Variants in ZC3H11C observed in about 807,000 individuals in gnomAD.
ZC3H11C encodes zinc finger CCCH-type containing 11C, also known as zinc finger CCCH domain-containing protein 11C.
chr6:65,305,255 G>A, the ZC3H11C span, among the ~76,000 whole-genome samples: 1 of 152,176 alleles, frequency 6.6e-6, no homozygotes, highest in Admixed American at 6.5e-5. Context: ...AAGGGTGCAA[G>A]CAAACTTAGT....
the ZC3H11C span, among the ~76,000 whole-genome samples, chr6:65,301,886 T>C: frequency 1.3e-4 from 20 of 152,366 alleles, no homozygotes; most frequent in African/African-American, 3.1e-4. Context: ...GAACTAGAGA[T>C]AGTGATGCTT....
At chr6:65,302,630 T>C in the ZC3H11C span, 1 of 1,233,178 alleles carries the variant, frequency 8.1e-7, no homozygotes, top group Non-Finnish European at 1.2e-6. Context: ...TGAAACTGTT[T>C]GCACATTATG....
the ZC3H11C span, among the ~76,000 whole-genome samples, chr6:65,306,219 C>A: frequency 6.6e-6 from 1 of 152,128 alleles, no homozygotes; most frequent in Non-Finnish European, 1.5e-5. Context: ...CATGTTGGCT[C>A]CTAAGGAACT....
chr6:65,305,504 G>A, the ZC3H11C span, among the ~76,000 whole-genome samples: 1 of 152,226 alleles, frequency 6.6e-6, no homozygotes, highest in African/African-American at 2.4e-5. Context: ...GAGCAGCTCA[G>A]GAAGCCTGTA....
the ZC3H11C span, among the ~76,000 whole-genome samples, chr6:65,305,557 G>A: frequency 9.2e-5 from 14 of 152,148 alleles, no homozygotes; most frequent in African/African-American, 2.7e-4. Flanking sequence ...TGCTTCTGCT[G>A]CTCTGTTGGC....
chr6:65,301,559 G>A, the ZC3H11C span, among the ~76,000 whole-genome samples: 6 of 152,358 alleles, frequency 3.9e-5, no homozygotes, highest in South Asian at 1.2e-3. Context: ...GTGGCAGCAA[G>A]CGGGAGTCGG....
At chr6:65,305,180 T>A in the ZC3H11C span, among the ~76,000 whole-genome samples, 13 of 151,474 alleles carry the variant, frequency 8.6e-5, no homozygotes, top group African/African-American at 2.4e-4. Context: ...TTATCATCTT[T>A]TGAGAAAAAA....
the ZC3H11C span, among the ~76,000 whole-genome samples, chr6:65,306,039 C>T: frequency 6.6e-6 from 1 of 152,140 alleles, no homozygotes; most frequent in Non-Finnish European, 1.5e-5. Flanking sequence ...TCCTTCATAT[C>T]ACCTCAAGGT....
chr6:65,306,217 C>G, the ZC3H11C span, among the ~76,000 whole-genome samples: 1 of 152,308 alleles, frequency 6.6e-6, no homozygotes, highest in Admixed American at 6.5e-5. Flanking sequence ...GTCATGTTGG[C>G]TCCTAAGGAA....
the ZC3H11C span, among the ~76,000 whole-genome samples, chr6:65,302,350 C>G: frequency 0.09 from 13,704 of 151,724 alleles, 458 homozygotes; most frequent in African/African-American, 0.18. Flanking sequence ...AAGACACAGA[C>G]GTTCCTGTTG....
chr6:65,305,609 T>A, the ZC3H11C span, among the ~76,000 whole-genome samples: 3 of 152,160 alleles, frequency 2.0e-5, no homozygotes, highest in Non-Finnish European at 4.4e-5. Flanking sequence ...TGTAATTTTT[T>A]AAAAGGCTTT....
the ZC3H11C span, among the ~76,000 whole-genome samples, chr6:65,301,727 C>T: frequency 1.3e-5 from 2 of 152,258 alleles, no homozygotes; most frequent in African/African-American, 4.8e-5. Context: ...GCAACAGGGA[C>T]ACTTCCGTAC....
the ZC3H11C span, among the ~76,000 whole-genome samples, chr6:65,305,431 C>T: frequency 6.6e-6 from 1 of 152,194 alleles, no homozygotes. Context: ...CCCACTCAGT[C>T]TGTGTTAGAT....
chr6:65,305,942 A>G, the ZC3H11C span, among the ~76,000 whole-genome samples: 1 of 152,168 alleles, frequency 6.6e-6, no homozygotes, highest in Non-Finnish European at 1.5e-5. Flanking sequence ...GTACTGTGCC[A>G]GGGATATTGA....
chr6:65,302,346 C>T, the ZC3H11C span, among the ~76,000 whole-genome samples: 1 of 152,206 alleles, frequency 6.6e-6, no homozygotes, highest in Admixed American at 6.5e-5. Flanking sequence ...AGTGAAGACA[C>T]AGACGTTCCT....
the ZC3H11C span, among the ~76,000 whole-genome samples, chr6:65,306,384 C>T: frequency 5.9e-5 from 9 of 152,134 alleles, no homozygotes; most frequent in Non-Finnish European, 1.2e-4. Flanking sequence ...ATCGACACAC[C>T]TCTACCAATC....
chr6:65,306,109 A>T, the ZC3H11C span, among the ~76,000 whole-genome samples: 3 of 152,218 alleles, frequency 2.0e-5, no homozygotes, highest in Non-Finnish European at 1.5e-5. Flanking sequence ...GATATGTTGT[A>T]TATAATCAGG....
At chr6:65,306,072 A>C in the ZC3H11C span, among the ~76,000 whole-genome samples, 1 of 152,226 alleles carries the variant, frequency 6.6e-6, no homozygotes, top group Non-Finnish European at 1.5e-5. Flanking sequence ...AGGAATAAGC[A>C]TGATGGAAAT....
At chr6:65,305,405 C>T in the ZC3H11C span, among the ~76,000 whole-genome samples, 3 of 152,126 alleles carry the variant, frequency 2.0e-5, no homozygotes, top group South Asian at 2.1e-4. Flanking sequence ...TTTTATGCTA[C>T]CACTAAACAA....
Sources: allele counts gnomAD v4.1 joint callset (sites outside exome capture counted in the v4.1 genomes callset), GRCh38; gene constraint gnomAD v4.1.1; transcripts MANE v1.5; gene names NCBI Gene and HGNC (gene_info 2026-07-23, HGNC 2026-07-21).